The following CSMD1 variants were observed in gnomAD, a reference collection of about 807,000 sequenced individuals.
CSMD1 encodes the protein CUB and Sushi multiple domains 1, also known as CUB and sushi domain-containing protein 1.
In CSMD1, 213 loss-of-function variants were observed where a neutral mutation model predicts 417.5. The observed-to-expected ratio is 0.51, with a 90% CI of 0.46 to 0.57. The LOEUF (loss-of-function observed/expected upper bound fraction) is 0.57, where lower values mean the gene tolerates loss of function less well. Among genes scored for constraint, CSMD1 ranks in the 20% least tolerant of loss-of-function variants. The pLI is 0.00. For synonymous variants in CSMD1, 2,862 were observed against 1,736.8 expected (o/e 1.65, Z -16.11); for missense variants, 6,923 against 4,529.7 (o/e 1.53, Z -15.17).
At chr8:4,979,138 T>C (rs1295136358) in intron 1 of CSMD1, among the ~76,000 whole-genome samples, 2 of 152,194 alleles carry the variant, frequency 1.3e-5, no homozygotes, top group African/African-American at 2.4e-5. Flanking sequence ...GAGTCTCTAA[T>C]TGTATTCAAG....
chr8:4,837,309 C>T (rs900128223), intron 1 of CSMD1, among the ~76,000 whole-genome samples: 1 of 152,156 alleles, frequency 6.6e-6, no homozygotes, highest in Non-Finnish European at 1.5e-5. Context: ...AGGTTTGCTG[C>T]TGCACTGTTT....
In CSMD1 at chr8:2,979,001, G is replaced by A. The variant is rs546127716; in HGVS notation, c.8378-201C>T. Among the ~76,000 whole-genome samples the A allele has an allele frequency of 3.3e-5, 5 of 152,250 alleles. No homozygotes were observed. The East Asian group carries it at 9.6e-4, about 29-fold the overall frequency. ...TTTCAAGAGGTGTCAAGAACTGGTC[G>A]ACCACGATAGCAATTTTCACGTGAG... On this transcript the variant is annotated intron_variant, in intron 54 of 69. Transcript: ENST00000635120.
chr8:4,706,849 G>C (rs1291182621), intron 1 of CSMD1, among the ~76,000 whole-genome samples: 2 of 152,192 alleles, frequency 1.3e-5, no homozygotes, highest in Non-Finnish European at 2.9e-5. Flanking sequence ...GAGAATGGGG[G>C]AAACTTCTTA....
intron 52 of CSMD1, among the ~76,000 whole-genome samples, chr8:3,003,677 G>A (rs778175990): frequency 1.3e-5 from 2 of 152,182 alleles, no homozygotes; most frequent in Non-Finnish European, 2.9e-5. Context: ...AAACGCAGAG[G>A]AGCAGCTGTC....
chr8:4,462,019 G>T (rs978692502), intron 2 of CSMD1, among the ~76,000 whole-genome samples: 3 of 151,936 alleles, frequency 2.0e-5, no homozygotes, highest in African/African-American at 7.3e-5. Context: ...GGGATTACAG[G>T]CTGAGCCACC....
intron 5 of CSMD1, among the ~76,000 whole-genome samples, chr8:3,867,928 C>T (rs772532556): frequency 1.3e-5 from 2 of 152,132 alleles, no homozygotes; most frequent in Non-Finnish European, 2.9e-5. Context: ...GCCTGGACAC[C>T]CTTACAGCCA....
chr8:4,354,431 G>A (rs1311934591), intron 3 of CSMD1, among the ~76,000 whole-genome samples: 1 of 152,148 alleles, frequency 6.6e-6, no homozygotes, highest in East Asian at 1.9e-4. Flanking sequence ...AGCATGCTAG[G>A]AGAGAACACC....
intron 2 of CSMD1, among the ~76,000 whole-genome samples, chr8:4,635,927 A>G (rs17070935): frequency 0.12 from 18,974 of 152,030 alleles, 1,265 homozygotes; most frequent in Non-Finnish European, 0.15. Flanking sequence ...AAAACAGATA[A>G]TAGATATTGT....
Position 4,366,639 on chromosome 8 carries a change from G to C in CSMD1, c.415+53314C>G, listed in dbSNP as rs114284023. Among the ~76,000 whole-genome samples, 1,300 of 152,024 alleles carry C rather than the reference G, an allele frequency of 8.6e-3. 17 individuals carry two copies. Among genetic ancestry groups the C allele is most frequent in the African/African-American group, 0.029 (1,207 of 41,470 alleles). ...CAGCAATTTTGACTCATGAGAGATGGTATCTCATCGTGGTTTTGATTTGCA... is the reference window on the plus strand; with the variant it reads ...CAGCAATTTTGACTCATGAGAGATGCTATCTCATCGTGGTTTTGATTTGCA... On this transcript the variant is annotated intron_variant, in intron 3 of 69. Coordinates refer to ENST00000635120, the MANE Select transcript of CSMD1 (RefSeq NM_033225.6).
At chr8:4,061,297 TCATAC>T (rs1045258951) in intron 3 of CSMD1, among the ~76,000 whole-genome samples, 9 of 152,250 alleles carry the variant, frequency 5.9e-5, no homozygotes, top group Middle Eastern at 3.4e-3. Flanking sequence ...GTACATCTTA[TCATAC>T]AAGAATTTCT....
At chr8:4,158,310 G>A (rs1001084702) in intron 3 of CSMD1, among the ~76,000 whole-genome samples, 3 of 151,990 alleles carry the variant, frequency 2.0e-5, no homozygotes, top group Non-Finnish European at 4.4e-5. Flanking sequence ...GCCCTTGGAG[G>A]AAGGATGCAA....
At chr8:3,699,341 T>C (rs533201260) in intron 7 of CSMD1, among the ~76,000 whole-genome samples, 1 of 152,364 alleles carries the variant, frequency 6.6e-6, no homozygotes, top group East Asian at 1.9e-4. Flanking sequence ...TAGTGTGTTT[T>C]ACTGACATGG....
intron 10 of CSMD1, among the ~76,000 whole-genome samples, chr8:3,512,118 G>A (rs1271229690): frequency 6.6e-6 from 1 of 152,084 alleles, no homozygotes; most frequent in Non-Finnish European, 1.5e-5. Flanking sequence ...CATCCTGCCT[G>A]GACTGTGGCC....
At chr8:3,756,495 A>G (rs765533391) in intron 5 of CSMD1, among the ~76,000 whole-genome samples, 14 of 152,220 alleles carry the variant, frequency 9.2e-5, no homozygotes, top group Non-Finnish European at 1.9e-4. Context: ...CACTGAAATT[A>G]AGCACAGAAG....
At position 3,943,629 on chromosome 8, in the gene CSMD1, C is replaced by A. The variant is rs373100722; in HGVS notation, c.818+54274G>T. Reference sequence around the variant, plus strand: ...GGTAAACCCCATGTAACCAAGAGATCAAAGTTACTATCACAATTAATAGGA... The same window carrying A: ...GGTAAACCCCATGTAACCAAGAGATAAAAGTTACTATCACAATTAATAGGA... On this transcript the variant is annotated intron_variant, in intron 5 of 69. Coordinates refer to ENST00000635120, the MANE Select transcript of CSMD1 (RefSeq NM_033225.6). 3.9e-5 allele frequency among the ~76,000 whole-genome samples: 6 copies of A among 152,024 alleles called. No individual in the cohort carries two copies. The East Asian group carries it at 7.7e-4, about 19-fold the overall frequency.
At chr8:3,455,681 T>C (rs1473433519) in intron 12 of CSMD1, among the ~76,000 whole-genome samples, 2 of 152,210 alleles carry the variant, frequency 1.3e-5, no homozygotes, top group South Asian at 2.1e-4. Context: ...AAATTTTGTC[T>C]CAGAGGAGTA....
At chr8:4,447,561 C>G (rs1014804772) in intron 2 of CSMD1, among the ~76,000 whole-genome samples, 2 of 152,186 alleles carry the variant, frequency 1.3e-5, no homozygotes, top group African/African-American at 2.4e-5. Flanking sequence ...AGTAACACTA[C>G]AAATACCAAT....
chr8:4,715,535 T>C (rs991159479), intron 1 of CSMD1, among the ~76,000 whole-genome samples: 6 of 152,254 alleles, frequency 3.9e-5, no homozygotes, highest in Admixed American at 3.3e-4. Context: ...CCCTTTTAAT[T>C]GCACGTATAT....
chr8:3,422,655 C>G (rs1369958270), intron 12 of CSMD1, among the ~76,000 whole-genome samples: 3 of 152,174 alleles, frequency 2.0e-5, no homozygotes, highest in Admixed American at 1.3e-4. Context: ...TATTTCAAAT[C>G]TATTTTCGAT....
Sources: gnomAD v4.1 joint callset for allele counts (sites outside exome capture counted in the v4.1 genomes callset) on GRCh38, gnomAD v4.1.1 for gene constraint, MANE v1.5 for transcripts, NCBI Gene and HGNC (gene_info 2026-07-23, HGNC 2026-07-21) for gene names.